The following PLCB4 variants were observed in gnomAD, a reference collection of about 807,000 sequenced individuals.
PLCB4 encodes the protein phospholipase C beta 4, also known as 1-phosphatidylinositol 4,5-bisphosphate phosphodiesterase beta-4.
A neutral mutation model predicts 178.8 loss-of-function variants in PLCB4; 77 were observed. The ratio of observed to expected loss-of-function variants is 0.43; its 90% CI spans 0.36 to 0.52. The LOEUF is 0.52. PLCB4 is among the 20% of genes least tolerant of loss of function. The probability of loss-of-function intolerance (pLI) is 0.00; values close to 1 mark genes in which losing one functional copy is unlikely to be tolerated. For missense variants in PLCB4, 1,024 were observed against 1,453.4 expected (o/e 0.70, Z 4.80); for synonymous variants, 496 against 490.8 (o/e 1.01, Z -0.14).
At chr20:9,424,407 A>T (rs1050693642) in intron 28 of PLCB4, among the ~76,000 whole-genome samples, 6 of 152,220 alleles carry the variant, frequency 3.9e-5, no homozygotes, top group Admixed American at 2.6e-4. Context: ...CTAGTCATCA[A>T]TCCATATGCT....
intron 3 of PLCB4, among the ~76,000 whole-genome samples, chr20:9,219,789 G>C (rs1181827554): frequency 1.3e-5 from 2 of 152,122 alleles, no homozygotes; most frequent in East Asian, 3.9e-4. Flanking sequence ...CTCAAAATTG[G>C]AAACATCTAA....
intron 1 of PLCB4, among the ~76,000 whole-genome samples, chr20:9,078,014 C>A (rs2089953637): frequency 6.6e-6 from 1 of 152,132 alleles, no homozygotes; most frequent in Non-Finnish European, 1.5e-5. Context: ...CAGGGTCTTG[C>A]TCCATTGCTC....
rs1396442853 is a variant in PLCB4 at position 9,307,494 on chromosome 20, T to TATATAC, written c.-15-305_-15-304insTATACA. On this transcript the variant is annotated intron_variant, in intron 3 of 39. Coordinates refer to ENST00000378473, the MANE Select transcript of PLCB4 (RefSeq NM_001377142.1). ...GTGCCTTCAGATTTTAAAAAAAGAA[T>TATATAC]ACACACACACACACACACACACACA... Among the ~76,000 whole-genome samples, 1,287 of 138,100 alleles carry TATATAC rather than the reference T, an allele frequency of 9.3e-3. 3 individuals are homozygous for TATATAC. Among genetic ancestry groups the TATATAC allele is most frequent in the African/African-American group, 0.018 (666 of 36,384 alleles). The allele number at this position is 138,100 out of a possible 152,430, so 90.6% of individuals were successfully genotyped here. A position where few individuals can be genotyped will look rare whatever the true frequency, so the allele number is the denominator to read the frequency against.
intron 2 of PLCB4, among the ~76,000 whole-genome samples, chr20:9,127,554 A>G (rs1568800438): frequency 6.6e-6 from 1 of 152,060 alleles, no homozygotes; most frequent in African/African-American, 2.4e-5. Context: ...TCTTTGAGGT[A>G]GGTCTTTGAG....
At chr20:9,330,457 C>A (rs1002221142) in intron 4 of PLCB4, among the ~76,000 whole-genome samples, 2 of 152,076 alleles carry the variant, frequency 1.3e-5, no homozygotes, top group African/African-American at 4.8e-5. Context: ...ATTGACCGTC[C>A]AACAATCTTC....
At chr20:9,261,847 A>G (rs2147551927) in intron 3 of PLCB4, among the ~76,000 whole-genome samples, 1 of 152,314 alleles carries the variant, frequency 6.6e-6, no homozygotes, top group South Asian at 2.1e-4. Flanking sequence ...AAAAAACAGA[A>G]ACTTCATTAA....
At chr20:9,336,345 G>A (rs1206255877) in intron 4 of PLCB4, among the ~76,000 whole-genome samples, 2 of 152,116 alleles carry the variant, frequency 1.3e-5, no homozygotes, top group Non-Finnish European at 2.9e-5. Context: ...GAAGTCAGTT[G>A]GCAAGTGTAA....
chr20:9,315,423 G>C (rs1211679434), intron 4 of PLCB4, among the ~76,000 whole-genome samples: 1 of 152,194 alleles, frequency 6.6e-6, no homozygotes. Context: ...GGGAGTGTAT[G>C]GTCCAGCGGC....
intron 2 of PLCB4, among the ~76,000 whole-genome samples, chr20:9,203,850 T>G (rs995687038): frequency 4.0e-5 from 6 of 149,334 alleles, no homozygotes; most frequent in Admixed American, 2.0e-4. Context: ...TGCACTGGTC[T>G]TTTGAGATTG....
At chr20:9,142,955 A>G (rs1208641501) in intron 2 of PLCB4, among the ~76,000 whole-genome samples, 2 of 152,090 alleles carry the variant, frequency 1.3e-5, no homozygotes, top group African/African-American at 4.8e-5. Context: ...TGTTCACTCC[A>G]TGTTGGCTTA....
intron 2 of PLCB4, among the ~76,000 whole-genome samples, chr20:9,203,398 G>A (rs1188809396): frequency 1.1e-4 from 16 of 152,282 alleles, no homozygotes; most frequent in Non-Finnish European, 2.9e-5. Flanking sequence ...CAGGTTAGAA[G>A]TGACTTACAA....
At chr20:9,432,254 TCTTG>T (rs1300200273) in intron 28 of PLCB4, among the ~76,000 whole-genome samples, 2 of 152,208 alleles carry the variant, frequency 1.3e-5, no homozygotes, top group African/African-American at 4.8e-5. Flanking sequence ...TCATTTAATA[TCTTG>T]CTTTATTGAT....
At chr20:9,215,542 G>C (rs899991660) in intron 2 of PLCB4, among the ~76,000 whole-genome samples, 8 of 152,054 alleles carry the variant, frequency 5.3e-5, no homozygotes, top group Non-Finnish European at 4.4e-5. Context: ...GTAAAGTCAG[G>C]GTACATGATG....
At position 9,453,351 on chromosome 20, in the gene PLCB4, A is replaced by G. The variant is rs2042881966; in HGVS notation, c.2885A>G (p.His962Arg). Residue 962 changes from histidine to arginine, a missense_variant, in exon 33 of 40, where the codon CAC (histidine) becomes CGC (arginine). Physicochemically the swap from His to Arg is conservative, Grantham distance 29 (BLOSUM62 0). Transcript: ENST00000378473. ...NSLKKKHAKE[H>R]STMQKLHCTQ... is the part of the protein sequence containing the mutation. Reference sequence around the variant, plus strand: ...CTGCAAATCCTTCTTGTTCAGGAACACAGTACCATGCAGAAGTTACACTGC... The same window carrying G: ...CTGCAAATCCTTCTTGTTCAGGAACGCAGTACCATGCAGAAGTTACACTGC... 6.3e-7 allele frequency: 1 copy of G among 1,595,210 alleles called. No homozygotes were observed. The highest frequency in any genetic ancestry group is 8.6e-7 in the Non-Finnish European group (1 of 1,163,318).
chr20:9,307,161 G>T (rs1230824387), intron 3 of PLCB4, among the ~76,000 whole-genome samples: 1 of 152,100 alleles, frequency 6.6e-6, no homozygotes, highest in Admixed American at 6.5e-5. Context: ...ACCTCAGTGG[G>T]CAGGCTGGTT....
At chr20:9,377,984 A>G (rs207477357) in intron 12 of PLCB4, among the ~76,000 whole-genome samples, 1 of 152,294 alleles carries the variant, frequency 6.6e-6, no homozygotes, top group South Asian at 2.1e-4. Context: ...AGATCTAGGG[A>G]GGGACCTGAG....
intron 2 of PLCB4, among the ~76,000 whole-genome samples, chr20:9,192,170 G>T (rs568274615): frequency 1.3e-4 from 20 of 152,264 alleles, no homozygotes; most frequent in African/African-American, 3.9e-4. Flanking sequence ...CCATCGAGCC[G>T]GCAGTAGGGA....
At chr20:9,252,082 A>C (rs2094187259) in intron 3 of PLCB4, among the ~76,000 whole-genome samples, 1 of 152,238 alleles carries the variant, frequency 6.6e-6, no homozygotes, top group South Asian at 2.1e-4. Context: ...TCACAATTAA[A>C]AGTGTTCATA....
At chr20:9,161,248 G>A (rs1013528348) in intron 2 of PLCB4, among the ~76,000 whole-genome samples, 5 of 152,150 alleles carry the variant, frequency 3.3e-5, no homozygotes, top group African/African-American at 4.8e-5. Context: ...GAAAACCTAG[G>A]TTCTTTCCAC....
Sources: gnomAD v4.1 joint callset for allele counts (sites outside exome capture counted in the v4.1 genomes callset) on GRCh38, gnomAD v4.1.1 for gene constraint, MANE v1.5 for transcripts, NCBI Gene and HGNC (gene_info 2026-07-23, HGNC 2026-07-21) for gene names.